AK9: variants seen among roughly 807,000 people sequenced by gnomAD.
The protein encoded by AK9 is adenylate kinase 9, also known as adenylate kinase domain containing 1.
Under a neutral mutation model 239.6 loss-of-function variants are expected in AK9, and 191 were observed. That is an observed-to-expected ratio of 0.80 (90% confidence interval 0.71 to 0.90). The LOEUF is 0.90. AK9 is among the 40% of genes least tolerant of loss of function. The pLI, the probability that AK9 is intolerant of heterozygous loss-of-function variation, is 0.00. For synonymous variants in AK9, 689 were observed against 721.0 expected, an observed-to-expected ratio of 0.96 and a Z score of 0.71; for missense variants, 1,995 against 2,214.7, an observed-to-expected ratio of 0.90 and a Z score of 1.99.
In AK9 at chr6:109,533,497, T is replaced by A. The variant is rs1164722381; in HGVS notation, c.3351-27A>T. On this transcript the variant is annotated intron_variant, in intron 27 of 40. Transcript: ENST00000424296. ...TGGTGGAAATTTTCATAATTTACTT[T>A]ATTTCATTAAAATGTTGTAATGGAT... is the stretch of plus-strand genomic sequence containing the variant. The A allele has an allele frequency of 5.2e-6, 8 of 1,536,312 alleles. No individual in the cohort carries two copies. In the South Asian group the frequency reaches 1.0e-4, roughly 19 times the overall value.
chr6:109,542,937 G>C (rs1204221804), intron 26 of AK9, among the ~76,000 whole-genome samples: 1 of 151,920 alleles, frequency 6.6e-6, no homozygotes, highest in Non-Finnish European at 1.5e-5. Flanking sequence ...ATTACTTTTT[G>C]CTAAACCTTT....
Position 109,533,239 on chromosome 6 carries a change from C to G in AK9, c.3570+12G>C. ...AACAGATTTATTCAATGCATTTTTG[C>G]TAGATACATACCCTGATTTTTGCCT... On this transcript the variant is annotated intron_variant, in intron 28 of 40. Transcript: ENST00000424296. 1 of 1,578,660 alleles carries G rather than the reference C, an allele frequency of 6.3e-7. No homozygotes were observed. The highest frequency in any genetic ancestry group is 1.4e-5 in the African/African-American group (1 of 73,396).
chr6:109,579,468 G>A, intron 20 of AK9, 82 bp downstream of exon 20: 1 of 1,335,988 alleles, frequency 7.5e-7, no homozygotes, highest in Admixed American at 2.2e-5. Context: ...TGATCACCCA[G>A]TCTATAATTC....
At chr6:109,615,544 T>C (rs1380237925) in intron 13 of AK9, among the ~76,000 whole-genome samples, 1 of 152,170 alleles carries the variant, frequency 6.6e-6, no homozygotes, top group African/African-American at 2.4e-5. Context: ...GGTATTATAC[T>C]AAAAATATAA....
At chr6:109,681,449 G>A (rs1096142) in intron 1 of AK9, among the ~76,000 whole-genome samples, 56,718 of 151,948 alleles carry the variant, frequency 0.37, 11,253 homozygotes, top group African/African-American at 0.48. Flanking sequence ...CATAAAGCAA[G>A]TTCTTAGAGA....
intron 1 of AK9, among the ~76,000 whole-genome samples, chr6:109,681,703 A>C (rs1279120547): frequency 2.0e-5 from 3 of 152,104 alleles, no homozygotes; most frequent in African/African-American, 7.2e-5. Flanking sequence ...GAAGTAAAAC[A>C]CTCCTCAGTA....
chr6:109,606,534 G>A (rs1367172967), intron 17 of AK9, among the ~76,000 whole-genome samples: 1 of 152,244 alleles, frequency 6.6e-6, no homozygotes, highest in East Asian at 1.9e-4. Context: ...TAGATGTGCA[G>A]TTGGATAACA....
intron 17 of AK9, among the ~76,000 whole-genome samples, chr6:109,587,301 ATTG>A (rs1789628466): frequency 6.6e-6 from 1 of 152,334 alleles, no homozygotes; most frequent in South Asian, 2.1e-4. Flanking sequence ...CAATGTTTCA[ATTG>A]TTGTTTGAAA....
intron 12 of AK9, among the ~76,000 whole-genome samples, chr6:109,627,132 GCTTTT>G (rs1389994351): frequency 2.0e-5 from 2 of 98,014 alleles, no homozygotes; most frequent in African/African-American, 7.6e-5. Context: ...CGATGTTTAA[GCTTTT>G]TTTTTTTTTT....
At chr6:109,557,348 C>T (rs1387758863) in intron 24 of AK9, among the ~76,000 whole-genome samples, 1 of 152,112 alleles carries the variant, frequency 6.6e-6, no homozygotes, top group African/African-American at 2.4e-5. Context: ...TAGAGAGCAG[C>T]AAAGATGGGT....
At chr6:109,495,195 A>G in intron 39 of AK9, 143 bp downstream of exon 39, 2 of 624,416 alleles carry the variant, frequency 3.2e-6, no homozygotes, top group South Asian at 5.5e-5. Flanking sequence ...CTACATATAA[A>G]CAAAATAGGC....
chr6:109,583,940 C>A (rs1397470539), intron 19 of AK9, among the ~76,000 whole-genome samples: 1 of 152,060 alleles, frequency 6.6e-6, no homozygotes, highest in African/African-American at 2.4e-5. Context: ...CCTTAATTAT[C>A]AACAGATTAT....
In AK9 at chr6:109,585,811, G is replaced by A. The variant is rs1294034803; in HGVS notation, c.1999+105C>T. 3.8e-6 allele frequency: 4 copies of A among 1,065,060 alleles called. No homozygotes were observed. In the South Asian group the frequency reaches 5.6e-5, roughly 15 times the overall value. 66.0% of individuals were successfully genotyped at this position (1,065,060 alleles called of 1,614,324 possible). ...AGTTCCTGCAGGGATTGCTGGGGTGGGTATTTCTATCTAGGAAGAGTGGAG... is the reference window on the plus strand; with the variant it reads ...AGTTCCTGCAGGGATTGCTGGGGTGAGTATTTCTATCTAGGAAGAGTGGAG... On this transcript the variant is annotated intron_variant, in intron 18 of 40. Transcript: ENST00000424296.
chr6:109,606,801 C>T (rs918275726), intron 17 of AK9, among the ~76,000 whole-genome samples: 39 of 152,238 alleles, frequency 2.6e-4, no homozygotes, highest in African/African-American at 8.9e-4. Context: ...GGGAGAAGTG[C>T]GAATGGTTTG....
chr6:109,619,082 G>A lies in AK9; in HGVS notation c.1399+10C>T. On this transcript the variant is annotated intron_variant, in intron 13 of 40. Coordinates refer to ENST00000424296, the MANE Select transcript of AK9 (RefSeq NM_001145128.3). ...AAACTTAAAACACACATTTTAAAAAGATGTTTCACCTTGTTTTCTAGCTTG... is the reference window on the plus strand; with the variant it reads ...AAACTTAAAACACACATTTTAAAAAAATGTTTCACCTTGTTTTCTAGCTTG... 1 of 1,528,576 alleles carries A rather than the reference G, an allele frequency of 6.5e-7. No homozygotes were observed. Among genetic ancestry groups the A allele is most frequent in the Non-Finnish European group, 8.8e-7 (1 of 1,140,344 alleles). 94.7% of individuals were successfully genotyped at this position (1,528,576 alleles called of 1,614,324 possible).
At chr6:109,598,180 C>T (rs1480538898) in intron 17 of AK9, among the ~76,000 whole-genome samples, 2 of 151,828 alleles carry the variant, frequency 1.3e-5, no homozygotes, top group African/African-American at 2.4e-5. Context: ...CCCATTAACT[C>T]GTCATTTACA....
At chr6:109,571,376 C>A (rs1347725289) in intron 21 of AK9, among the ~76,000 whole-genome samples, 2 of 152,178 alleles carry the variant, frequency 1.3e-5, no homozygotes, top group East Asian at 3.9e-4. Context: ...AAATAATTTC[C>A]ATATAGTTAT....
intron 28 of AK9, among the ~76,000 whole-genome samples, 165 bp downstream of exon 28, chr6:109,533,086 A>T (rs1272613850): frequency 1.3e-5 from 2 of 152,202 alleles, no homozygotes; most frequent in African/African-American, 4.8e-5. Context: ...AAAGCCTGAA[A>T]TAACTCTTAA....
intron 9 of AK9, 55 bp downstream of exon 9, chr6:109,644,559 C>T: frequency 1.4e-6 from 2 of 1,435,482 alleles, no homozygotes; most frequent in Non-Finnish European, 1.9e-6. Flanking sequence ...ACAATACTGT[C>T]AATAGATTTA....
Sources: allele counts gnomAD v4.1 joint callset (sites outside exome capture counted in the v4.1 genomes callset), GRCh38; gene constraint gnomAD v4.1.1; transcripts MANE v1.5; gene names NCBI Gene and HGNC (gene_info 2026-07-23, HGNC 2026-07-21).